USP28: variants seen among roughly 807,000 people sequenced by gnomAD.
The protein encoded by USP28 is ubiquitin specific peptidase 28.
In USP28, 113 loss-of-function variants were observed where a neutral mutation model predicts 145.0. That is an observed-to-expected ratio of 0.78 (90% confidence interval 0.67 to 0.91). The LOEUF (loss-of-function observed/expected upper bound fraction) is 0.91. USP28 is among the 40% of genes least tolerant of loss of function. The pLI is 0.00. For synonymous variants in USP28, 447 were observed against 450.9 expected (o/e 0.99, Z 0.11); for missense variants, 1,201 against 1,289.6 (o/e 0.93, Z 1.05).
intron 16 of USP28, among the ~76,000 whole-genome samples, chr11:113,810,316 T>C (rs911214627): frequency 1.3e-5 from 2 of 152,206 alleles, no homozygotes; most frequent in Non-Finnish European, 2.9e-5. Context: ...CTGGCTTTAA[T>C]GGCAAGGATA....
At chr11:113,825,357 A>T (rs1217443354) in intron 11 of USP28, among the ~76,000 whole-genome samples, 1 of 152,236 alleles carries the variant, frequency 6.6e-6, no homozygotes, top group Admixed American at 6.5e-5. Flanking sequence ...AATTCCAAGC[A>T]CTGGCAAGGA....
In USP28 at chr11:113,852,518, T is replaced by C. The variant is rs765604278; in HGVS notation, c.251A>G (p.Asn84Ser). The C allele has an allele frequency of 3.8e-5, 61 of 1,614,100 alleles. 1 individual carries two copies. The East Asian group carries it at 1.4e-3, about 36-fold the overall frequency. The change falls in exon 3 of 25, where the codon AAC becomes AGC. Residue 84 changes from asparagine (N) to serine (S), a missense_variant. Coordinates refer to ENST00000003302, the Ensembl canonical transcript of USP28. ...GTACCTACTTGCTAATACTTCCTTG[T>C]TGGCAGCACTCCCCTCTACTTCAGA...
intron 12 of USP28, among the ~76,000 whole-genome samples, chr11:113,818,989 A>G (rs1252656760): frequency 6.6e-6 from 1 of 152,070 alleles, no homozygotes. Flanking sequence ...GTACACCTCT[A>G]TCAGTTTAGT....
chr11:113,839,977 C>T (rs1357983066), intron 5 of USP28, among the ~76,000 whole-genome samples: 1 of 152,178 alleles, frequency 6.6e-6, no homozygotes, highest in Non-Finnish European at 1.5e-5. Flanking sequence ...GATCGCACCA[C>T]TGTTGCCTGG....
At chr11:113,812,214 G>A (rs1565348921) in intron 16 of USP28, 62 bp downstream of exon 16, 55 of 1,315,282 alleles carry the variant, frequency 4.2e-5, no homozygotes, top group Non-Finnish European at 5.6e-5. Flanking sequence ...GTACAAGACT[G>A]TTCTTCTCCC....
chr11:113,831,057 GC>G, intron 8 of USP28, 114 bp from the exon 9 acceptor site: 1 of 979,276 alleles, frequency 1.0e-6, no homozygotes, highest in Non-Finnish European at 1.6e-6. Context: ...CCCCCAAAGA[GC>G]CAGGTATGAT....
chr11:113,805,827 T>C (rs1020125361), intron 19 of USP28, among the ~76,000 whole-genome samples: 18 of 152,198 alleles, frequency 1.2e-4, no homozygotes, highest in Non-Finnish European at 2.2e-4. Flanking sequence ...ACAGAGAATG[T>C]TACTGCTAGC....
intron 24 of USP28, among the ~76,000 whole-genome samples, 153 bp from the exon 26 acceptor site, chr11:113,799,568 G>C (rs1938557906): frequency 2.0e-5 from 3 of 152,152 alleles, no homozygotes; most frequent in African/African-American, 7.2e-5. Context: ...GGCCAAACCA[G>C]GAGCAAAGGC....
intron 3 of USP28, among the ~76,000 whole-genome samples, chr11:113,849,878 T>C (rs1946274899): frequency 6.6e-6 from 1 of 152,202 alleles, no homozygotes; most frequent in African/African-American, 2.4e-5. Context: ...GTATAGGCAC[T>C]GACTCTGAAC....
At position 113,812,522 on chromosome 11, in the gene USP28, C is replaced by T; in HGVS notation, c.1744-18G>A. 6.2e-7 allele frequency: 1 copy of T among 1,608,854 alleles called. No homozygotes were observed. The highest frequency in any genetic ancestry group is 1.3e-5 in the African/African-American group (1 of 74,936). ...TAAGGCACCTGTAAGTCAGAATGTA[C>T]ATTCCCCAGTCAGGTGAAGCAAAGT... is the stretch of plus-strand genomic sequence containing the variant. On this transcript the variant is annotated intron_variant, in intron 15 of 24. Coordinates refer to ENST00000003302, the Ensembl canonical transcript of USP28.
At chr11:113,868,216 G>A (rs1316030263) in intron 1 of USP28, among the ~76,000 whole-genome samples, 1 of 152,124 alleles carries the variant, frequency 6.6e-6, no homozygotes, top group Non-Finnish European at 1.5e-5. Context: ...TTAGCAAAAT[G>A]AAGAAATGCA....
intron 1 of USP28, among the ~76,000 whole-genome samples, chr11:113,867,850 G>A (rs1382789002): frequency 2.0e-5 from 3 of 149,388 alleles, no homozygotes; most frequent in African/African-American, 7.4e-5. Flanking sequence ...AGGGAGGAAG[G>A]GAGGGAGGGA....
At chr11:113,835,644 A>G (rs1944480127) in intron 5 of USP28, among the ~76,000 whole-genome samples, 1 of 152,182 alleles carries the variant, frequency 6.6e-6, no homozygotes. Context: ...CTGTCTACCT[A>G]ACACACTTGC....
chr11:113,825,970 C>A (rs989388703), intron 11 of USP28, among the ~76,000 whole-genome samples: 5 of 151,988 alleles, frequency 3.3e-5, no homozygotes, highest in African/African-American at 1.2e-4. Flanking sequence ...TAAAAATAAA[C>A]CATGGGATAA....
intron 2 of USP28, among the ~76,000 whole-genome samples, chr11:113,852,995 G>C (rs1946645528): frequency 6.6e-6 from 1 of 152,112 alleles, no homozygotes; most frequent in South Asian, 2.1e-4. Flanking sequence ...AATGAAGTCA[G>C]CCCTACAATA....
At chr11:113,860,096 AATACC>A (rs1175842701) in intron 1 of USP28, among the ~76,000 whole-genome samples, 2 of 152,242 alleles carry the variant, frequency 1.3e-5, no homozygotes, top group Non-Finnish European at 2.9e-5. Flanking sequence ...TGTAACAATC[AATACC>A]TGGCCTGATC....
At chr11:113,810,034 C>CAAAA (rs368686301) in intron 16 of USP28, among the ~76,000 whole-genome samples, 20 of 68,958 alleles carry the variant, frequency 2.9e-4, no homozygotes, top group East Asian at 4.3e-4. Context: ...GACTCCATCT[C>CAAAA]AAAAAAAAAA....
chr11:113,863,952 A>T (rs1212506912), intron 1 of USP28, among the ~76,000 whole-genome samples: 1 of 149,556 alleles, frequency 6.7e-6, no homozygotes, highest in Non-Finnish European at 1.5e-5. Context: ...CTCGAAAAAA[A>T]AAATTGCTGG....
At position 113,812,372 on chromosome 11, in the gene USP28, AG is replaced by A; in HGVS notation, c.1875del (p.Trp626GlyfsTer12). ...TAGGAATCTCTTTCAACTTCTTCCC[AG>A]GAAGATTCAGTAACAGAGATGTCAT... On this transcript the variant is annotated frameshift_variant, in exon 16 of 25. Coordinates refer to ENST00000003302, the Ensembl canonical transcript of USP28. LOFTEE classifies it high-confidence loss of function. 1.2e-6 allele frequency: 2 copies of A among 1,614,110 alleles called. No homozygotes were observed. The highest frequency in any genetic ancestry group is 1.7e-6 in the Non-Finnish European group (2 of 1,179,994).
Sources: gnomAD v4.1 joint callset for allele counts (sites outside exome capture counted in the v4.1 genomes callset) on GRCh38, gnomAD v4.1.1 for gene constraint, MANE v1.5 for transcripts, NCBI Gene and HGNC (gene_info 2026-07-23, HGNC 2026-07-21) for gene names.